The following ETFA variants were observed in gnomAD, a reference collection of about 807,000 sequenced individuals.
ETFA encodes the protein electron transfer flavoprotein subunit alpha, mitochondrial.
Under a neutral mutation model 46.2 loss-of-function variants are expected in ETFA, and 22 were observed. That is an observed-to-expected ratio of 0.48 (90% CI 0.34 to 0.68). ETFA has a LOEUF of 0.68. Ranked by LOEUF, ETFA falls within the 30% of genes least tolerant of loss-of-function variation. The probability of loss-of-function intolerance (pLI) is 0.01; values close to 1 mark genes in which losing one functional copy is unlikely to be tolerated. For synonymous variants in ETFA, 131 were observed against 139.9 expected, an observed-to-expected ratio of 0.94 and a Z score of 0.45; for missense variants, 345 against 401.1, an observed-to-expected ratio of 0.86 and a Z score of 1.19.
chr15:76,297,975 T>C (rs921107527), intron 1 of ETFA, among the ~76,000 whole-genome samples: 1 of 152,124 alleles, frequency 6.6e-6, no homozygotes, highest in Non-Finnish European at 1.5e-5. Flanking sequence ...GAAATTGGCC[T>C]GAACTTTTAA....
At chr15:76,219,078 C>A (rs2038929114) in intron 11 of ETFA, among the ~76,000 whole-genome samples, 1 of 152,020 alleles carries the variant, frequency 6.6e-6, no homozygotes, top group African/African-American at 2.4e-5. Context: ...GAAAAGGATT[C>A]TAGGCAAAAA....
chr15:76,299,706 T>C (rs1345736201), intron 1 of ETFA, among the ~76,000 whole-genome samples: 1 of 152,156 alleles, frequency 6.6e-6, no homozygotes, highest in Non-Finnish European at 1.5e-5. Context: ...ATACTCAACA[T>C]AGAAATTCCT....
chr15:76,291,432 T>A (rs1193541788), intron 4 of ETFA, among the ~76,000 whole-genome samples: 1 of 99,368 alleles, frequency 1.0e-5, no homozygotes, highest in Non-Finnish European at 1.8e-5. Context: ...GCGAGGAAAG[T>A]AAGACTCCAT....
chr15:76,265,302 G>A (rs553596019), intron 9 of ETFA, among the ~76,000 whole-genome samples: 5 of 152,290 alleles, frequency 3.3e-5, no homozygotes, highest in Admixed American at 6.5e-5. Flanking sequence ...TTAGTTCCTC[G>A]ACTCCGTGGT....
At chr15:76,291,308 T>C (rs1418801806) in intron 4 of ETFA, among the ~76,000 whole-genome samples, 2 of 151,756 alleles carry the variant, frequency 1.3e-5, no homozygotes, top group Non-Finnish European at 1.5e-5. Flanking sequence ...CCAGGTGTGG[T>C]GGCACGCACC....
Position 76,286,395 on chromosome 15 carries a change from C to G in ETFA, c.538G>C (p.Gly180Arg). Residue 180 changes from glycine to arginine, a missense_variant, in exon 6 of 12, where the codon GGC (glycine) becomes CGC (arginine). Physicochemically the swap from Gly to Arg is moderately radical, Grantham distance 125. Coordinates refer to ENST00000557943, the MANE Select transcript of ETFA (RefSeq NM_000126.4). ...GTSFDAAATS[G>R]GSASSEKASS... ...CCCTTTTCTGAACTGGCACTACCGC[C>G]ACTTGTTGCTGCAGCATCAAAGGAT... The G allele has an allele frequency of 1.2e-6, 2 of 1,612,844 alleles. No individual in the cohort carries two copies. The highest frequency in any genetic ancestry group is 1.7e-6 in the Non-Finnish European group (2 of 1,178,882).
At position 76,248,970 on chromosome 15, in the gene ETFA, G is replaced by GA. The variant is rs542078530; in HGVS notation, c.817-17573dup. 7.3e-3 allele frequency among the ~76,000 whole-genome samples: 1,107 copies of GA among 151,774 alleles called. 18 individuals carry two copies. Among genetic ancestry groups the GA allele is most frequent in the African/African-American group, 0.025 (1,051 of 41,362 alleles). On this transcript the variant is annotated intron_variant, in intron 9 of 11. Coordinates refer to ENST00000557943, the MANE Select transcript of ETFA (RefSeq NM_000126.4). Reference sequence around the variant, plus strand: ...GGTATTAACATTAAATATTCAAAGGGAAAAAAACCATAAATGGATATTCCG... The same window carrying GA: ...GGTATTAACATTAAATATTCAAAGGGAAAAAAAACCATAAATGGATATTCCG...
At chr15:76,281,448 C>A (rs1314133379) in intron 8 of ETFA, among the ~76,000 whole-genome samples, 1 of 149,734 alleles carries the variant, frequency 6.7e-6, no homozygotes, top group Non-Finnish European at 1.5e-5. Context: ...TTTTTTGAGA[C>A]AGAGTCTCGC....
intron 9 of ETFA, among the ~76,000 whole-genome samples, chr15:76,240,466 G>A (rs940429540): frequency 9.9e-5 from 15 of 152,192 alleles, no homozygotes; most frequent in African/African-American, 3.6e-4. Context: ...TCCAGAGCAG[G>A]TGGGATGTAT....
chr15:76,302,368 T>C (rs1248955479), intron 1 of ETFA, among the ~76,000 whole-genome samples: 1 of 120,832 alleles, frequency 8.3e-6, no homozygotes, highest in Non-Finnish European at 1.7e-5. Context: ...GAACCTTGAA[T>C]GCATATTACT....
At chr15:76,245,719 TA>T (rs2039237094) in intron 9 of ETFA, among the ~76,000 whole-genome samples, 2 of 152,316 alleles carry the variant, frequency 1.3e-5, no homozygotes, top group South Asian at 4.1e-4. Flanking sequence ...GCACTAAGCG[TA>T]AGAACACATT....
chr15:76,262,904 G>C (rs1482771427), intron 9 of ETFA, among the ~76,000 whole-genome samples: 1 of 152,130 alleles, frequency 6.6e-6, no homozygotes, highest in Non-Finnish European at 1.5e-5. Context: ...AAGACCAGAA[G>C]ACAATGGAAC....
intron 9 of ETFA, among the ~76,000 whole-genome samples, chr15:76,256,917 C>A (rs2141488337): frequency 6.6e-6 from 1 of 152,152 alleles, no homozygotes; most frequent in East Asian, 1.9e-4. Flanking sequence ...CAGCAATAGG[C>A]TACCCCATAT....
At chr15:76,280,962 C>T (rs934763024) in intron 8 of ETFA, among the ~76,000 whole-genome samples, 1 of 134,822 alleles carries the variant, frequency 7.4e-6, no homozygotes, top group African/African-American at 2.8e-5. Context: ...GTCACCCAGG[C>T]CGGAGTACAG....
chr15:76,242,716 A>G (rs1348509086), intron 9 of ETFA, among the ~76,000 whole-genome samples: 1 of 152,246 alleles, frequency 6.6e-6, no homozygotes, highest in Non-Finnish European at 1.5e-5. Flanking sequence ...AAAGGAATTA[A>G]GTTCTGATAC....
intron 9 of ETFA, chr15:76,261,791 A>G (rs1364380150): frequency 5.4e-6 from 1 of 185,508 alleles, no homozygotes; most frequent in Non-Finnish European, 1.1e-5. Context: ...CATTTGGAAG[A>G]TCTTCATAAC....
intron 1 of ETFA, among the ~76,000 whole-genome samples, chr15:76,298,301 C>T (rs560286291): frequency 5.9e-5 from 9 of 152,240 alleles, no homozygotes; most frequent in African/African-American, 2.2e-4. Flanking sequence ...GCCTCAGCCT[C>T]CCAAAGTGCT....
chr15:76,257,155 C>A lies in ETFA; in HGVS notation c.816+17257G>T, dbSNP rs188535556. 2.3e-3 allele frequency among the ~76,000 whole-genome samples: 352 copies of A among 152,276 alleles called. 2 individuals are homozygous for A. The highest frequency in any genetic ancestry group is 5.0e-3 in the Admixed American group (77 of 15,300). ...ATGTCCCTAACAGTTAGGACCCGCC[C>A]CATGCATTCCAGAGGTTCCCCCACC... is the stretch of plus-strand genomic sequence containing the variant. On this transcript the variant is annotated intron_variant, in intron 9 of 11. Coordinates refer to ENST00000557943, the MANE Select transcript of ETFA (RefSeq NM_000126.4).
In ETFA at chr15:76,215,359, T is replaced by C. The variant is rs956372519; in HGVS notation, c.*1200A>G. On this transcript the variant is annotated 3_prime_UTR_variant, in exon 12 of 12. Transcript: ENST00000557943. ...AAGACTGAAATGCCAAAGATACAAC[T>C]TTTAAAAGTGTTTTATAGCAACTGA... 1.3e-5 allele frequency: 2 copies of C among 152,226 alleles called. No homozygotes were observed. The highest frequency in any genetic ancestry group is 2.9e-5 in the Non-Finnish European group (2 of 68,042). The allele number at this position is 152,226 out of a possible 1,614,324, so 9.4% of individuals were successfully genotyped here.
Sources: gnomAD v4.1 joint callset for allele counts (sites outside exome capture counted in the v4.1 genomes callset) on GRCh38, gnomAD v4.1.1 for gene constraint, MANE v1.5 for transcripts, NCBI Gene and HGNC (gene_info 2026-07-23, HGNC 2026-07-21) for gene names.